PTPRA: variants seen among roughly 807,000 people sequenced by gnomAD.
PTPRA encodes protein tyrosine phosphatase receptor type A.
Under a neutral mutation model 104.8 loss-of-function variants are expected in PTPRA, and 25 were observed. The observed-to-expected ratio is 0.24, with a 90% CI of 0.17 to 0.33. PTPRA has a LOEUF of 0.33. Among genes scored for constraint, PTPRA ranks in the 10% least tolerant of loss-of-function variants. The pLI is 1.00. For missense variants in PTPRA, 765 were observed against 1,015.3 expected (o/e 0.75, Z 3.35); for synonymous variants, 323 against 368.9 (o/e 0.88, Z 1.43).
chr20:2,868,031 A>G, the PTPRA span, among the ~76,000 whole-genome samples: 702 of 152,282 alleles, frequency 4.6e-3, 4 homozygotes, highest in African/African-American at 0.016. Context: ...TAAAAGGTTG[A>G]TAGCTAGGGG....
At chr20:2,930,546 G>C (rs2060467875) in intron 2 of PTPRA, among the ~76,000 whole-genome samples, 1 of 152,138 alleles carries the variant, frequency 6.6e-6, no homozygotes, top group Non-Finnish European at 1.5e-5. Flanking sequence ...CAAAGTCAAG[G>C]TGTTGGCAGT....
intron 19 of PTPRA, 77 bp downstream of exon 19, chr20:3,027,274 T>C: frequency 7.3e-7 from 1 of 1,369,162 alleles, no homozygotes; most frequent in Non-Finnish European, 1.0e-6. Context: ...CTCCCTCCCA[T>C]ACCTGCTGGG....
At chr20:2,993,842 C>T (rs1487742220) in intron 9 of PTPRA, among the ~76,000 whole-genome samples, 1 of 152,180 alleles carries the variant, frequency 6.6e-6, no homozygotes, top group Non-Finnish European at 1.5e-5. Flanking sequence ...CAAGGTGGCA[C>T]AGAGGGAGGT....
intron 1 of PTPRA, among the ~76,000 whole-genome samples, chr20:2,898,407 T>G (rs538100468): frequency 1.3e-5 from 2 of 151,606 alleles, no homozygotes; most frequent in Admixed American, 1.3e-4. Flanking sequence ...GGAGACAGGA[T>G]TTCACCATGT....
In PTPRA at chr20:2,909,866, A is replaced by T. The variant is rs544916284; in HGVS notation, c.-128-13341A>T. On this transcript the variant is annotated intron_variant, in intron 1 of 23. Transcript: ENST00000399903. Reference sequence around the variant, plus strand: ...AATATAAGATAATATATATTATATAATATAATTAAAATATATTAATTATAA... The same window carrying T: ...AATATAAGATAATATATATTATATATTATAATTAAAATATATTAATTATAA... 1.0e-3 allele frequency among the ~76,000 whole-genome samples: 137 copies of T among 132,666 alleles called. 1 individual carries two copies. The highest frequency in any genetic ancestry group is 3.5e-3 in the African/African-American group (122 of 34,984). 87.0% of individuals were successfully genotyped at this position (132,666 alleles called of 152,430 possible). A position where few individuals can be genotyped will look rare whatever the true frequency, so the allele number is the denominator to read the frequency against.
At chr20:2,908,842 T>C (rs2059521379) in intron 1 of PTPRA, among the ~76,000 whole-genome samples, 1 of 152,234 alleles carries the variant, frequency 6.6e-6, no homozygotes, top group Non-Finnish European at 1.5e-5. Context: ...TATGTACTAA[T>C]AAAATGTCAA....
At chr20:2,936,363 A>G (rs1422972715) in intron 2 of PTPRA, among the ~76,000 whole-genome samples, 1 of 151,802 alleles carries the variant, frequency 6.6e-6, no homozygotes, top group Non-Finnish European at 1.5e-5. Context: ...GGGTCTTGCT[A>G]TGTTGCCCAG....
intron 2 of PTPRA, among the ~76,000 whole-genome samples, chr20:2,946,669 G>A (rs781328205): frequency 2.1e-4 from 32 of 152,036 alleles, no homozygotes; most frequent in Admixed American, 2.6e-4. Context: ...CCAACATGGT[G>A]AAACCCCATC....
chr20:2,872,426 G>A (rs2089452582), upstream of PTPRA, among the ~76,000 whole-genome samples: 1 of 152,236 alleles, frequency 6.6e-6, no homozygotes. The surrounding 1 kb of genome is among the most constrained non-coding windows in gnomAD (Gnocchi z 7.9). Context: ...CTCTGGGTCT[G>A]GGATAAAGCG....
upstream of PTPRA, among the ~76,000 whole-genome samples, chr20:2,873,191 G>C (rs1197641275): frequency 1.3e-5 from 2 of 152,194 alleles, no homozygotes; most frequent in East Asian, 1.9e-4. This position sits in a 1 kb window ranked among gnomAD's most constrained non-coding sequence, Gnocchi z 4.4. Context: ...TGTAAACTGG[G>C]AAGAAGGCCC....
intron 13 of PTPRA, among the ~76,000 whole-genome samples, chr20:3,020,388 A>G (rs1041317456): frequency 6.6e-6 from 1 of 151,988 alleles, no homozygotes; most frequent in Non-Finnish European, 1.5e-5. Flanking sequence ...GTGAGCCACC[A>G]CGCCCGGCCC....
intron 3 of PTPRA, among the ~76,000 whole-genome samples, chr20:2,958,844 C>CAG (rs1164247922): frequency 0.015 from 718 of 46,884 alleles, 36 homozygotes; most frequent in African/African-American, 0.052. Flanking sequence ...GAGACTGTAT[C>CAG]AAAAAAAAAA....
At chr20:2,976,181 C>G (rs1191540485) in intron 6 of PTPRA, among the ~76,000 whole-genome samples, 1 of 152,216 alleles carries the variant, frequency 6.6e-6, no homozygotes, top group Non-Finnish European at 1.5e-5. Flanking sequence ...CCACCTCTCA[C>G]TTTCCTAAAC....
chr20:2,969,352 A>G (rs1401989522), intron 5 of PTPRA, among the ~76,000 whole-genome samples: 6 of 151,440 alleles, frequency 4.0e-5, no homozygotes, highest in Non-Finnish European at 8.8e-5. Context: ...GGTTCAAACA[A>G]TTCTCCTGCC....
Position 3,038,247 on chromosome 20 carries a change from A to AATAGAAGCCTATGTAC in PTPRA, c.*114_*115insATAGAAGCCTATGTAC. The AATAGAAGCCTATGTAC allele has an allele frequency of 1.9e-6, 2 of 1,028,662 alleles. No individual in the cohort carries two copies. Among genetic ancestry groups the AATAGAAGCCTATGTAC allele is most frequent in the Non-Finnish European group, 2.9e-6 (2 of 694,176 alleles). The allele number at this position is 1,028,662 out of a possible 1,614,324, so 63.7% of individuals were successfully genotyped here. A position where few individuals can be genotyped will look rare whatever the true frequency, so the allele number is the denominator to read the frequency against. Reference sequence around the variant, plus strand: ...TCTTATAACTGTTTTAGAAATTGGTACATAGGCTTCTATTACCTATTAGGT... The same window carrying AATAGAAGCCTATGTAC: ...TCTTATAACTGTTTTAGAAATTGGTAATAGAAGCCTATGTACCATAGGCTTCTATTACCTATTAGGT... On this transcript the variant is annotated 3_prime_UTR_variant, in exon 24 of 24. Coordinates refer to ENST00000399903, the MANE Select transcript of PTPRA (RefSeq NM_001385305.1).
chr20:2,958,440 A>G (rs1426230848), intron 3 of PTPRA, among the ~76,000 whole-genome samples: 1 of 152,038 alleles, frequency 6.6e-6, no homozygotes, highest in Non-Finnish European at 1.5e-5. Flanking sequence ...ATCCAGGAGA[A>G]TAGCAGGCCT....
intron 13 of PTPRA, among the ~76,000 whole-genome samples, chr20:3,019,237 T>C (rs1245642849): frequency 1.4e-5 from 2 of 142,486 alleles, no homozygotes; most frequent in Non-Finnish European, 1.5e-5. Flanking sequence ...ACGGGGCGGC[T>C]GGCCGGGCGG....
intron 1 of PTPRA, among the ~76,000 whole-genome samples, chr20:2,916,586 G>C (rs2059911028): frequency 1.3e-5 from 2 of 152,160 alleles, no homozygotes; most frequent in Admixed American, 1.3e-4. Context: ...AGCCATGGTG[G>C]TGTGTGCTTC....
intron 2 of PTPRA, among the ~76,000 whole-genome samples, chr20:2,942,564 A>G (rs2060960442): frequency 6.6e-6 from 1 of 151,826 alleles, no homozygotes; most frequent in African/African-American, 2.4e-5. Context: ...TTTGCTTTCT[A>G]TTTTCCTCAA....
Sources: gnomAD v4.1 joint callset for allele counts (sites outside exome capture counted in the v4.1 genomes callset) on GRCh38, gnomAD v4.1.1 for gene constraint, Gnocchi (gnomAD v3.1) non-coding constraint, MANE v1.5 for transcripts, NCBI Gene and HGNC (gene_info 2026-07-23, HGNC 2026-07-21) for gene names.